The following FBRSL1 variants were observed in gnomAD, a reference collection of about 807,000 sequenced individuals.
FBRSL1 encodes the protein fibrosin like 1, also known as fibrosin-1-like protein.
In FBRSL1, 51 loss-of-function variants were observed where a neutral mutation model predicts 89.6. The observed-to-expected ratio is 0.57, with a 90% confidence interval of 0.45 to 0.72. FBRSL1 has a LOEUF of 0.72. FBRSL1 is among the 30% of genes least tolerant of loss of function. The pLI is 0.00. For synonymous variants in FBRSL1, 779 were observed against 681.1 expected, an observed-to-expected ratio of 1.14 and a Z score of -2.24; for missense variants, 1,618 against 1,451.8, an observed-to-expected ratio of 1.11 and a Z score of -1.86.
intron 4 of FBRSL1, among the ~76,000 whole-genome samples, chr12:132,544,910 G>A (rs972154548): frequency 1.3e-5 from 2 of 152,190 alleles, no homozygotes; most frequent in African/African-American, 4.8e-5. Flanking sequence ...TGTGTATAAT[G>A]TACTGACTAT....
chr12:132,578,343 T>TCACTCACACACACACACACACACACA (rs1555290113), intron 15 of FBRSL1, among the ~76,000 whole-genome samples: 13 of 141,008 alleles, frequency 9.2e-5, no homozygotes, highest in Non-Finnish European at 2.0e-4. Flanking sequence ...AGACCCTGTC[T>TCACTCACACACACACACACACACACA]CACACACACA....
In FBRSL1 at chr12:132,525,758, G is replaced by A. The variant is rs1160067316; in HGVS notation, c.514G>A (p.Gly172Ser). The change falls in exon 3 of 19, where the codon GGC (glycine) becomes AGC (serine). Residue 172 changes from glycine (G) to serine (S), a missense_variant. Gly to Ser is a moderately conservative substitution (Grantham distance 56). Coordinates refer to ENST00000680143, the MANE Select transcript of FBRSL1 (RefSeq NM_001367871.1). ...GATGAAGGTCACCGTGTCCAAAGGGGGCGACCGGGACAGTGACGACGACAG... is the reference window on the plus strand; with the variant it reads ...GATGAAGGTCACCGTGTCCAAAGGGAGCGACCGGGACAGTGACGACGACAG... ...KQMKVTVSKG[G>S]DRDSDDDSVL... 2 of 1,549,852 alleles carry A rather than the reference G, an allele frequency of 1.3e-6. No individual in the cohort carries two copies. Among genetic ancestry groups the A allele is most frequent in the East Asian group, 2.4e-5 (1 of 40,890 alleles).
intron 4 of FBRSL1, among the ~76,000 whole-genome samples, chr12:132,541,788 A>G (rs2037292249): frequency 6.6e-6 from 1 of 152,216 alleles, no homozygotes; most frequent in African/African-American, 2.4e-5. Flanking sequence ...GTGCGGCCCA[A>G]ATGAAGGTGG....
intron 4 of FBRSL1, among the ~76,000 whole-genome samples, chr12:132,537,659 C>T (rs1008654407): frequency 3.3e-5 from 5 of 152,098 alleles, no homozygotes; most frequent in East Asian, 1.9e-4. Flanking sequence ...GAGGACTGGC[C>T]CCCAGCACCT....
intron 15 of FBRSL1, chr12:132,581,228 G>T (rs1365948799): frequency 2.0e-6 from 2 of 984,404 alleles, no homozygotes; most frequent in Non-Finnish European, 2.4e-6. Context: ...CAGGATGGCT[G>T]CCACTGCGGC....
At chr12:132,556,507 T>C (rs1405930513) in intron 5 of FBRSL1, among the ~76,000 whole-genome samples, 2 of 118,074 alleles carry the variant, frequency 1.7e-5, no homozygotes, top group Admixed American at 8.0e-5. Flanking sequence ...CCCCAACCCC[T>C]GTCCTGTGGG....
intron 2 of FBRSL1, chr12:132,511,205 C>A: frequency 1.0e-6 from 1 of 985,458 alleles, no homozygotes; most frequent in Non-Finnish European, 1.2e-6. Context: ...CCTCTCAGGA[C>A]TCTGCCTCCA....
intron 1 of FBRSL1, among the ~76,000 whole-genome samples, chr12:132,501,966 C>A (rs571651942): frequency 4.6e-5 from 7 of 152,256 alleles, no homozygotes; most frequent in Admixed American, 1.3e-4. Context: ...TCCTCTAAAT[C>A]TAAATCCAAA....
At chr12:132,563,414 G>C (rs1484235668) in intron 5 of FBRSL1, among the ~76,000 whole-genome samples, 1 of 138,510 alleles carries the variant, frequency 7.2e-6, no homozygotes, top group East Asian at 2.2e-4. Context: ...GGTCCCCACA[G>C]CCTGCACCCC....
chr12:132,559,402 C>T (rs540893016), intron 5 of FBRSL1, among the ~76,000 whole-genome samples: 83 of 152,210 alleles, frequency 5.5e-4, no homozygotes, highest in African/African-American at 1.8e-3. Flanking sequence ...CTCTTTTTTC[C>T]TTTTTTTGAG....
intron 2 of FBRSL1, among the ~76,000 whole-genome samples, chr12:132,516,446 A>G (rs1270894348): frequency 1.3e-5 from 2 of 152,086 alleles, no homozygotes; most frequent in Non-Finnish European, 2.9e-5. Flanking sequence ...CGGCCTCCCA[A>G]AGTGCTGGGA....
In FBRSL1 at chr12:132,536,657, CCT is replaced by C. The variant is rs2036776485; in HGVS notation, c.615+8671_615+8672del. Among the ~76,000 whole-genome samples, 5 of 148,410 alleles carry C rather than the reference CCT, an allele frequency of 3.4e-5. No homozygotes were observed. The South Asian group carries it at 8.6e-4, about 25-fold the overall frequency. ...ATGGTGTGAGTGCACGTGTACATGA[CCT>C]CATGCCATGTGTACATGACGTGTGA... On this transcript the variant is annotated intron_variant, in intron 4 of 18. Coordinates refer to ENST00000680143, the MANE Select transcript of FBRSL1 (RefSeq NM_001367871.1).
intron 4 of FBRSL1, among the ~76,000 whole-genome samples, chr12:132,530,409 G>A (rs1474165145): frequency 2.6e-5 from 4 of 152,164 alleles, no homozygotes; most frequent in South Asian, 2.1e-4. Context: ...GACTCCTGTC[G>A]GCTCACTGTG....
chr12:132,510,998 T>G, intron 2 of FBRSL1: 1 of 987,036 alleles, frequency 1.0e-6, no homozygotes, highest in Non-Finnish European at 1.2e-6. Flanking sequence ...GTGCTGGGCA[T>G]GAAGGATCTG....
intron 5 of FBRSL1, among the ~76,000 whole-genome samples, chr12:132,560,768 C>A (rs977917688): frequency 2.0e-5 from 3 of 152,232 alleles, no homozygotes; most frequent in Non-Finnish European, 4.4e-5. Context: ...CCTGAGCCTG[C>A]GGACCCGGAG....
intron 2 of FBRSL1, chr12:132,509,520 C>T (rs976045187): frequency 2.3e-4 from 284 of 1,235,590 alleles, no homozygotes; most frequent in Non-Finnish European, 2.7e-4. Flanking sequence ...GCATTGGGCA[C>T]TCCCAGGCCC....
At chr12:132,511,983 C>A in intron 2 of FBRSL1, 1 of 985,478 alleles carries the variant, frequency 1.0e-6, no homozygotes, top group South Asian at 4.7e-5. Context: ...AACAGACGAG[C>A]ATGTGTCTTA....
intron 15 of FBRSL1, chr12:132,581,015 C>A (rs2040707907): frequency 4.1e-6 from 4 of 985,494 alleles, no homozygotes; most frequent in Non-Finnish European, 4.8e-6. Flanking sequence ...AGAACCGTGT[C>A]CATCCAGGCC....
At chr12:132,495,410 G>A (rs554307637) in intron 1 of FBRSL1, among the ~76,000 whole-genome samples, 118 of 152,352 alleles carry the variant, frequency 7.7e-4, no homozygotes, top group African/African-American at 2.8e-3. Context: ...AGTGGGGGCT[G>A]AGTTTGCCAG....
Sources: allele counts gnomAD v4.1 joint callset (sites outside exome capture counted in the v4.1 genomes callset), GRCh38; gene constraint gnomAD v4.1.1; transcripts MANE v1.5; gene names NCBI Gene and HGNC (gene_info 2026-07-23, HGNC 2026-07-21).